TES: variants seen among roughly 807,000 people sequenced by gnomAD.
TES encodes testin.
In TES, 41 loss-of-function variants were observed where a neutral mutation model predicts 48.2. The observed-to-expected ratio is 0.85, with a 90% CI of 0.66 to 1.10. The LOEUF (loss-of-function observed/expected upper bound fraction) is 1.10. TES is among the 50% of genes least tolerant of loss of function. The pLI is 0.00. For missense variants in TES, 463 were observed against 515.1 expected (o/e 0.90, Z 0.98); for synonymous variants, 162 against 174.9 (o/e 0.93, Z 0.58).
chr7:116,214,467 G>A (rs1323251873), intron 1 of TES, among the ~76,000 whole-genome samples: 1 of 152,276 alleles, frequency 6.6e-6, no homozygotes, highest in African/African-American at 2.4e-5. Context: ...GCAAGACTAA[G>A]GGTAAAGGTA....
intron 1 of TES, chr7:116,223,018 ATTC>A (rs1799574829): frequency 3.0e-6 from 3 of 984,120 alleles, no homozygotes; most frequent in Non-Finnish European, 3.6e-6. Flanking sequence ...CAGAAGAGGT[ATTC>A]TATTGGTAAG....
rs1799962633 is a variant in TES at position 116,248,897 on chromosome 7, G to T, written c.114-123G>T. On this transcript the variant is annotated intron_variant, in intron 2 of 6. Transcript: ENST00000358204. ...GATACTTATTCTCCCTCCTAAAAAA[G>T]GACTTGCCTTTGCATACCATGATAT... 13 of 958,146 alleles carry T rather than the reference G, an allele frequency of 1.4e-5. No individual in the cohort carries two copies. The South Asian group carries it at 3.0e-4, about 22-fold the overall frequency. 59.4% of individuals were successfully genotyped at this position (958,146 alleles called of 1,614,324 possible).
intron 2 of TES, among the ~76,000 whole-genome samples, chr7:116,239,826 TAA>T (rs1478394139): frequency 2.0e-5 from 3 of 152,152 alleles, no homozygotes; most frequent in Admixed American, 6.5e-5. Context: ...TATATAGAGA[TAA>T]AGAGTGTTTA....
intron 1 of TES, chr7:116,223,000 A>G (rs1433077145): frequency 1.0e-6 from 1 of 985,070 alleles, no homozygotes; most frequent in Non-Finnish European, 1.2e-6. Context: ...TTTTCTGAGT[A>G]GAGTCCACAG....
At chr7:116,256,240 G>A (rs1318833566) in intron 6 of TES, among the ~76,000 whole-genome samples, 2 of 152,146 alleles carry the variant, frequency 1.3e-5, no homozygotes, top group African/African-American at 2.4e-5. Context: ...CCAGTGAGTA[G>A]CAGCCACATT....
At chr7:116,246,099 C>T (rs901610345) in intron 2 of TES, among the ~76,000 whole-genome samples, 15 of 152,118 alleles carry the variant, frequency 9.9e-5, no homozygotes, top group Non-Finnish European at 2.1e-4. Flanking sequence ...TATCACTGAG[C>T]CTTCCCTTTG....
intron 1 of TES, chr7:116,217,930 A>T (rs1799512798): frequency 2.0e-6 from 1 of 508,504 alleles, no homozygotes. Context: ...GATATGCATG[A>T]CTATAATTTT....
chr7:116,213,046 T>C (rs3807959), intron 1 of TES, among the ~76,000 whole-genome samples: 20,163 of 152,236 alleles, frequency 0.13, 1,339 homozygotes, highest in South Asian at 0.19. Context: ...CTTAATAGGC[T>C]TGATAGTCTA....
chr7:116,223,852 TC>T (rs1799587200), intron 1 of TES, among the ~76,000 whole-genome samples: 4 of 152,200 alleles, frequency 2.6e-5, no homozygotes, highest in African/African-American at 9.7e-5. Context: ...AATCACTTAG[TC>T]TTTGGATTTA....
intron 2 of TES, among the ~76,000 whole-genome samples, chr7:116,245,212 T>C (rs1220927582): frequency 6.6e-6 from 1 of 152,212 alleles, no homozygotes. Flanking sequence ...CTTTTTCTTT[T>C]GTATCGCATT....
At chr7:116,251,510 G>A (rs1040846013) in intron 4 of TES, 15 of 399,026 alleles carry the variant, frequency 3.8e-5, no homozygotes, top group African/African-American at 6.2e-5. Flanking sequence ...GTGAAACCCC[G>A]TCTCTACTAA....
At position 116,250,340 on chromosome 7, in the gene TES, T is replaced by C. The variant is rs201259786; in HGVS notation, c.546T>C (p.Tyr182=). The change falls in exon 4 of 7, where the codon TAT becomes TAC. Residue 182 remains tyrosine, a synonymous_variant. Coordinates refer to ENST00000358204, the MANE Select transcript of TES (RefSeq NM_015641.4). ...AGATGGAGCAGTTTGTGAAGAAATA[T>C]AAGAGCGAAGCTCTGGGAGTAGGAG... ...VKEMEQFVKK[Y]KSEALGVGDV... is the part of the protein sequence containing the mutation. The C allele has an allele frequency of 2.0e-5, 32 of 1,613,804 alleles. No homozygotes were observed. Among genetic ancestry groups the C allele is most frequent in the African/African-American group, 1.9e-4 (14 of 75,046 alleles).
At chr7:116,226,435 G>A (rs904984889) in intron 1 of TES, among the ~76,000 whole-genome samples, 2 of 152,038 alleles carry the variant, frequency 1.3e-5, no homozygotes, top group African/African-American at 4.8e-5. Flanking sequence ...GAGAAGAAGA[G>A]GAGCAGAGGT....
chr7:116,229,566 A>G (rs1799671013), intron 1 of TES, among the ~76,000 whole-genome samples: 1 of 152,162 alleles, frequency 6.6e-6, no homozygotes, highest in African/African-American at 2.4e-5. Context: ...ACTCTGCCCA[A>G]AATAGGCCCT....
At chr7:116,254,939 T>C (rs1276405352) in intron 6 of TES, among the ~76,000 whole-genome samples, 1 of 152,076 alleles carries the variant, frequency 6.6e-6, no homozygotes, top group African/African-American at 2.4e-5. Context: ...TGCTACATTA[T>C]ATAAAATTTG....
At chr7:116,227,999 CTTTT>C (rs67263287) in intron 1 of TES, among the ~76,000 whole-genome samples, 6 of 141,980 alleles carry the variant, frequency 4.2e-5, no homozygotes, top group East Asian at 2.1e-4. Context: ...GTTCCATAGT[CTTTT>C]TTTTGTTTTT....
At chr7:116,249,293 A>G (rs1305326090) in intron 3 of TES, 21 bp downstream of exon 3, 2 of 1,613,440 alleles carry the variant, frequency 1.2e-6, no homozygotes, top group Admixed American at 1.7e-5. Context: ...TGGAACAGAG[A>G]GTTTCTTTAT....
intron 1 of TES, among the ~76,000 whole-genome samples, chr7:116,213,497 G>A (rs1799461766): frequency 6.6e-6 from 1 of 152,188 alleles, no homozygotes; most frequent in African/African-American, 2.4e-5. Flanking sequence ...AAGGAGGACT[G>A]TCTTTATTAA....
At chr7:116,217,769 A>C (rs781292210) in intron 1 of TES, 3 of 518,220 alleles carry the variant, frequency 5.8e-6, no homozygotes, top group Non-Finnish European at 1.2e-5. Flanking sequence ...TAGAGGATTA[A>C]ATTTAGAGGT....
Sources: gnomAD v4.1 joint callset for allele counts (sites outside exome capture counted in the v4.1 genomes callset) on GRCh38, gnomAD v4.1.1 for gene constraint, MANE v1.5 for transcripts, NCBI Gene and HGNC (gene_info 2026-07-23, HGNC 2026-07-21) for gene names.